Variants in LEKR1 observed in about 807,000 individuals in gnomAD.
The protein encoded by LEKR1 is leucine, glutamate and lysine rich 1.
In LEKR1, 59 loss-of-function variants were observed where a neutral mutation model predicts 72.4. That is an observed-to-expected ratio of 0.82 (90% CI 0.66 to 1.01). The LOEUF is 1.01. LEKR1 is among the 50% of genes least tolerant of loss of function. LEKR1 has a pLI of 0.00. For missense variants in LEKR1, 728 were observed against 759.2 expected (o/e 0.96, Z 0.48); for synonymous variants, 257 against 263.2 (o/e 0.98, Z 0.23).
At chr3:156,973,326 A>C (rs886140297) in intron 6 of LEKR1, among the ~76,000 whole-genome samples, 1 of 152,146 alleles carries the variant, frequency 6.6e-6, no homozygotes. Context: ...TACCTGGTAC[A>C]TAGTAAGTAT....
At chr3:156,935,080 T>TGTTACATTTTATA in intron 5 of LEKR1, among the ~76,000 whole-genome samples, 1 of 152,190 alleles carries the variant, frequency 6.6e-6, no homozygotes, top group South Asian at 2.1e-4. Context: ...CCCATTTTGC[T>TGTTACATTTTATA]TTTCATTTGC....
chr3:156,936,458 CA>C (rs1725716049), intron 5 of LEKR1, among the ~76,000 whole-genome samples: 1 of 126,622 alleles, frequency 7.9e-6, no homozygotes, highest in African/African-American at 2.7e-5. Context: ...CACACACACA[CA>C]CACACACCCC....
intron 10 of LEKR1, among the ~76,000 whole-genome samples, chr3:157,020,791 C>A (rs1733773395): frequency 6.6e-6 from 1 of 152,028 alleles, no homozygotes; most frequent in Non-Finnish European, 1.5e-5. Context: ...TGGGTATATA[C>A]CCAGTAATGG....
At chr3:156,901,873 A>G (rs1346164129) in intron 3 of LEKR1, among the ~76,000 whole-genome samples, 1 of 152,128 alleles carries the variant, frequency 6.6e-6, no homozygotes, top group East Asian at 1.9e-4. Context: ...TTTAGTAGAG[A>G]CAGGGTTTCA....
intron 3 of LEKR1, among the ~76,000 whole-genome samples, chr3:156,856,747 C>A (rs1716107106): frequency 6.6e-6 from 1 of 151,762 alleles, no homozygotes; most frequent in Non-Finnish European, 1.5e-5. Flanking sequence ...CTGTAGCTAG[C>A]TTCCTCATTG....
intron 3 of LEKR1, 22 bp from the exon 4 acceptor site, chr3:156,920,553 G>A: frequency 1.4e-6 from 2 of 1,397,644 alleles, no homozygotes; most frequent in South Asian, 2.7e-5. Flanking sequence ...AATACTTAAG[G>A]AATGTTTGTT....
intron 6 of LEKR1, among the ~76,000 whole-genome samples, chr3:156,944,589 T>A (rs1325753956): frequency 6.6e-6 from 1 of 151,766 alleles, no homozygotes; most frequent in African/African-American, 2.4e-5. Context: ...TCCCACACTC[T>A]GGTAACCACC....
intron 6 of LEKR1, among the ~76,000 whole-genome samples, chr3:156,967,562 A>C (rs1728746519): frequency 6.6e-6 from 1 of 152,186 alleles, no homozygotes; most frequent in Admixed American, 6.5e-5. Flanking sequence ...AAGCAAGAAG[A>C]GAAGTTTAGA....
intron 6 of LEKR1, among the ~76,000 whole-genome samples, chr3:156,958,826 T>C (rs73027795): frequency 0.017 from 2,594 of 152,184 alleles, 74 homozygotes; most frequent in African/African-American, 0.059. Context: ...CTTTTAACTT[T>C]AGTGATTCTC....
At chr3:156,895,149 G>T (rs568682122) in intron 3 of LEKR1, among the ~76,000 whole-genome samples, 6 of 152,230 alleles carry the variant, frequency 3.9e-5, no homozygotes, top group Admixed American at 2.6e-4. Context: ...TCTGACAAAG[G>T]TCTAATATCC....
chr3:156,882,344 C>T (rs1478747436), intron 3 of LEKR1, among the ~76,000 whole-genome samples: 3 of 151,248 alleles, frequency 2.0e-5, no homozygotes, highest in Admixed American at 6.6e-5. Flanking sequence ...GGGCGAAGGA[C>T]ATGAACAGAC....
chr3:156,918,274 T>G (rs1477341254), intron 3 of LEKR1, among the ~76,000 whole-genome samples: 1 of 152,146 alleles, frequency 6.6e-6, no homozygotes, highest in East Asian at 1.9e-4. Context: ...AACATCCATT[T>G]TGCCTTCTAA....
chr3:156,839,729 A>T (rs1258491789), intron 2 of LEKR1, among the ~76,000 whole-genome samples: 1 of 152,214 alleles, frequency 6.6e-6, no homozygotes, highest in African/African-American at 2.4e-5. Flanking sequence ...ATGCTAGATA[A>T]TATGGCAGAA....
At chr3:156,853,031 A>G (rs1247018776) in intron 3 of LEKR1, 49 bp downstream of exon 3, 31 of 1,228,314 alleles carry the variant, frequency 2.5e-5, no homozygotes, top group Non-Finnish European at 3.5e-5. Flanking sequence ...AAAGACAGCT[A>G]CAGGAAATAA....
rs373212782 is a variant in LEKR1, at chr3:156,967,615, T to C, written c.746-11579T>C. On this transcript the variant is annotated intron_variant, in intron 6 of 12. Transcript: ENST00000356539. ...AAATGAACAAAGCCTCCAAGAAATA[T>C]GGGACTATGTGAAAAGACCAAATCT... Among the ~76,000 whole-genome samples, 47 of 152,232 alleles carry C rather than the reference T, an allele frequency of 3.1e-4. 1 individual carries two copies. In the South Asian group the frequency reaches 9.6e-3, roughly 31 times the overall value.
chr3:156,899,782 A>C (rs1397888234), intron 3 of LEKR1, among the ~76,000 whole-genome samples: 2 of 103,074 alleles, frequency 1.9e-5, no homozygotes, highest in Non-Finnish European at 4.6e-5. Context: ...ATACACATAT[A>C]TACACATATA....
At chr3:156,968,967 G>T (rs1728887793) in intron 6 of LEKR1, among the ~76,000 whole-genome samples, 1 of 152,140 alleles carries the variant, frequency 6.6e-6, no homozygotes, top group Admixed American at 6.6e-5. Context: ...TCAGGATTAA[G>T]AAACTCACTC....
chr3:156,925,295 T>C (rs1203216639), intron 4 of LEKR1: 1 of 138,040 alleles, frequency 7.2e-6, no homozygotes, highest in Non-Finnish European at 1.6e-5. Context: ...GTTTATTAAT[T>C]CTAGTATTTG....
chr3:156,977,441 C>T (rs954128316), intron 6 of LEKR1: 2 of 502,744 alleles, frequency 4.0e-6, no homozygotes, highest in African/African-American at 2.0e-5. Flanking sequence ...GTCACCCCCC[C>T]TTAATGAACT....
Sources: gnomAD v4.1 joint callset for allele counts (sites outside exome capture counted in the v4.1 genomes callset) on GRCh38, gnomAD v4.1.1 for gene constraint, MANE v1.5 for transcripts, NCBI Gene and HGNC (gene_info 2026-07-23, HGNC 2026-07-21) for gene names.